Variants in GRM7 observed in about 807,000 individuals in gnomAD.
GRM7 encodes the protein metabotropic glutamate receptor 7.
GRM7 carries 35 observed loss-of-function variants against 84.5 expected under a neutral mutation model. That is an observed-to-expected ratio of 0.41 (90% CI 0.32 to 0.55). The LOEUF (loss-of-function observed/expected upper bound fraction) is 0.55. Ranked by LOEUF, GRM7 falls within the 20% of genes least tolerant of loss-of-function variation. The probability of loss-of-function intolerance (pLI) is 0.19; values close to 1 mark genes in which losing one functional copy is unlikely to be tolerated. For synonymous variants in GRM7, 487 were observed against 455.1 expected, an observed-to-expected ratio of 1.07 and a Z score of -0.89; for missense variants, 1,003 against 1,194.6, an observed-to-expected ratio of 0.84 and a Z score of 2.36.
At chr3:7,279,101 A>G (rs115159451) in intron 2 of GRM7, among the ~76,000 whole-genome samples, 2,603 of 152,268 alleles carry the variant, frequency 0.017, 82 homozygotes, top group African/African-American at 0.059. Flanking sequence ...AGAAAACGGT[A>G]TATTACAGAT....
chr3:7,467,351 T>C (rs113737034), intron 7 of GRM7, among the ~76,000 whole-genome samples: 29,168 of 152,138 alleles, frequency 0.19, 2,937 homozygotes, highest in South Asian at 0.38. Context: ...CCTCCCAAAG[T>C]GCTGGGATTA....
intron 2 of GRM7, among the ~76,000 whole-genome samples, chr3:7,161,556 C>T (rs886853849): frequency 2.0e-5 from 3 of 152,062 alleles, no homozygotes; most frequent in Admixed American, 2.0e-4. Flanking sequence ...ATACCTAATG[C>T]ATGCAAATGC....
intron 9 of GRM7, among the ~76,000 whole-genome samples, chr3:7,716,766 T>G (rs1021835910): frequency 6.6e-6 from 1 of 152,224 alleles, no homozygotes; most frequent in Non-Finnish European, 1.5e-5. Flanking sequence ...GTACAGTCAG[T>G]TGAAAAGTAA....
chr3:7,277,033 C>T (rs1559547378), intron 2 of GRM7, among the ~76,000 whole-genome samples: 1 of 151,896 alleles, frequency 6.6e-6, no homozygotes, highest in East Asian at 1.9e-4. Context: ...TTAATCCAGT[C>T]AAAGCAAGTG....
At chr3:7,208,580 G>A (rs754518005) in intron 2 of GRM7, among the ~76,000 whole-genome samples, 10 of 152,082 alleles carry the variant, frequency 6.6e-5, no homozygotes, top group Non-Finnish European at 1.3e-4. Context: ...TTGCTCAGAG[G>A]GCCTATATAT....
chr3:7,491,344 C>T (rs1699509149), intron 7 of GRM7, among the ~76,000 whole-genome samples: 1 of 151,644 alleles, frequency 6.6e-6, no homozygotes, highest in Non-Finnish European at 1.5e-5. Context: ...TTATTTTATA[C>T]TTTTCCATTT....
chr3:7,628,262 G>C (rs1697708328), intron 8 of GRM7, among the ~76,000 whole-genome samples: 1 of 152,100 alleles, frequency 6.6e-6, no homozygotes, highest in African/African-American at 2.4e-5. Context: ...CCTACTGTGT[G>C]CCCAGCCTGG....
At chr3:6,926,225 G>C (rs568086965) in intron 1 of GRM7, among the ~76,000 whole-genome samples, 1 of 152,276 alleles carries the variant, frequency 6.6e-6, no homozygotes, top group African/African-American at 2.4e-5. Context: ...ATTAGCTAAA[G>C]ACAAGCCCTT....
At chr3:7,024,298 A>G (rs1473918630) in intron 1 of GRM7, among the ~76,000 whole-genome samples, 1 of 152,194 alleles carries the variant, frequency 6.6e-6, no homozygotes, top group African/African-American at 2.4e-5. Context: ...GGGAGGGGTA[A>G]TATATGCCAT....
intron 6 of GRM7, among the ~76,000 whole-genome samples, chr3:7,460,361 T>C (rs562859078): frequency 5.5e-4 from 84 of 152,034 alleles, no homozygotes; most frequent in Middle Eastern, 3.4e-3. Flanking sequence ...AACTGATATC[T>C]AATTTTAATT....
chr3:6,878,393 G>A (rs1303821960), intron 1 of GRM7, among the ~76,000 whole-genome samples: 1 of 151,288 alleles, frequency 6.6e-6, no homozygotes, highest in Non-Finnish European at 1.5e-5. Context: ...GTGTGTGTGT[G>A]TGTGTGTGTG....
intron 7 of GRM7, among the ~76,000 whole-genome samples, chr3:7,470,570 T>C (rs1225760114): frequency 6.6e-6 from 1 of 152,194 alleles, no homozygotes; most frequent in East Asian, 1.9e-4. Flanking sequence ...CACAAACATG[T>C]ACATTAGAGA....
intron 8 of GRM7, among the ~76,000 whole-genome samples, chr3:7,636,811 T>C (rs1032782718): frequency 6.6e-6 from 1 of 152,146 alleles, no homozygotes; most frequent in African/African-American, 2.4e-5. Context: ...CAAGATTCAA[T>C]GTTGCATGGT....
intron 1 of GRM7, among the ~76,000 whole-genome samples, chr3:7,074,137 A>G (rs1160095838): frequency 2.0e-5 from 3 of 152,228 alleles, no homozygotes; most frequent in Non-Finnish European, 4.4e-5. Context: ...AATATTTTTC[A>G]TGTGTTCTCA....
chr3:7,272,581 T>C (rs1219355865), intron 2 of GRM7, among the ~76,000 whole-genome samples: 1 of 152,152 alleles, frequency 6.6e-6, no homozygotes, highest in Non-Finnish European at 1.5e-5. Flanking sequence ...TTTTGGCAGA[T>C]TGTGTCTTTC....
chr3:7,226,076 A>G (rs62234892), intron 2 of GRM7, among the ~76,000 whole-genome samples: 8,371 of 152,290 alleles, frequency 0.055, 321 homozygotes, highest in Middle Eastern at 0.14. Context: ...AATATTTACT[A>G]TATGCCTACT....
At chr3:7,728,064 C>T (rs1368971365) in intron 9 of GRM7, among the ~76,000 whole-genome samples, 2 of 152,166 alleles carry the variant, frequency 1.3e-5, no homozygotes, top group African/African-American at 2.4e-5. Flanking sequence ...CTCTGAGATC[C>T]GCAGTCAAAA....
chr3:6,925,155 G>A (rs1229090534), intron 1 of GRM7, among the ~76,000 whole-genome samples: 5 of 152,118 alleles, frequency 3.3e-5, no homozygotes, highest in Non-Finnish European at 7.4e-5. Context: ...GTATAATCAT[G>A]TGTATTTCTT....
At chr3:7,353,821 A>G (rs1693267953) in intron 4 of GRM7, among the ~76,000 whole-genome samples, 1 of 152,120 alleles carries the variant, frequency 6.6e-6, no homozygotes, top group South Asian at 2.1e-4. Context: ...CCACCACCAA[A>G]AGCAAGGTGT....
Sources: allele counts gnomAD v4.1 joint callset (sites outside exome capture counted in the v4.1 genomes callset), GRCh38; gene constraint gnomAD v4.1.1; transcripts MANE v1.5; gene names NCBI Gene and HGNC (gene_info 2026-07-23, HGNC 2026-07-21).